Variants in AP1S3 observed in about 807,000 individuals in gnomAD.
AP1S3 encodes the protein adaptor related protein complex 1 subunit sigma 3.
AP1S3 carries 10 observed loss-of-function variants against 20.9 expected under a neutral mutation model. The ratio of observed to expected loss-of-function variants is 0.48; its 90% CI spans 0.29 to 0.81. The LOEUF (loss-of-function observed/expected upper bound fraction) is 0.81. Among genes scored for constraint, AP1S3 ranks in the 30% least tolerant of loss-of-function variants. The pLI is 0.08. For synonymous variants in AP1S3, 41 were observed against 61.5 expected (o/e 0.67, Z 1.56); for missense variants, 154 against 183.8 (o/e 0.84, Z 0.94).
chr2:223,770,724 T>A (rs1457179775), intron 3 of AP1S3, among the ~76,000 whole-genome samples: 2 of 103,500 alleles, frequency 1.9e-5, no homozygotes, highest in Admixed American at 1.1e-4. Flanking sequence ...CTTAGACCAG[T>A]TCATTTTTTT....
intron 1 of AP1S3, among the ~76,000 whole-genome samples, chr2:223,781,544 T>C (rs1408626615): frequency 1.3e-5 from 2 of 152,026 alleles, no homozygotes; most frequent in African/African-American, 4.8e-5. Flanking sequence ...GAGAGTAGCC[T>C]GGGAAACATA....
intron 3 of AP1S3, among the ~76,000 whole-genome samples, chr2:223,772,163 T>C (rs1394231296): frequency 6.6e-6 from 1 of 152,240 alleles, no homozygotes; most frequent in Admixed American, 6.5e-5. Flanking sequence ...TGTACAACTA[T>C]ATAGCAATTA....
intron 3 of AP1S3, among the ~76,000 whole-genome samples, chr2:223,773,518 T>C (rs1054881633): frequency 1.3e-5 from 2 of 152,224 alleles, no homozygotes; most frequent in African/African-American, 2.4e-5. Flanking sequence ...GATGGTCTAG[T>C]TGTCTTATTG....
intron 1 of AP1S3, among the ~76,000 whole-genome samples, chr2:223,791,377 A>G (rs1691213847): frequency 6.6e-6 from 1 of 152,224 alleles, no homozygotes; most frequent in Admixed American, 6.5e-5. Context: ...GGTTGGTTCA[A>G]CATACACAGA....
rs1227946601 is a variant in AP1S3 at position 223,756,469 on chromosome 2, A to G, written c.*2246T>C. On this transcript the variant is annotated 3_prime_UTR_variant, in exon 5 of 5. Coordinates refer to ENST00000396654, the MANE Select transcript of AP1S3 (RefSeq NM_001039569.2). ...GAAGGAAAAGAAAGAAAGAAAGAAA[A>G]GAAAGAAAGAAAGAAAAAAAGAAAG... 3 of 908,156 alleles carry G rather than the reference A, an allele frequency of 3.3e-6. No homozygotes were observed. The African/African-American group carries it at 5.6e-5, about 17-fold the overall frequency. 56.3% of individuals were successfully genotyped at this position (908,156 alleles called of 1,614,324 possible).
rs202150726 is a variant in AP1S3 at position 223,756,991 on chromosome 2, T to TC, written c.*1723_*1724insG. 9.1e-6 allele frequency: 8 copies of TC among 882,830 alleles called. No homozygotes were observed. The highest frequency in any genetic ancestry group is 1.3e-4 in the Admixed American group (2 of 15,922). 54.7% of individuals were successfully genotyped at this position (882,830 alleles called of 1,614,324 possible). A position where few individuals can be genotyped will look rare whatever the true frequency, so the allele number is the denominator to read the frequency against. On this transcript the variant is annotated 3_prime_UTR_variant, in exon 5 of 5. Coordinates refer to ENST00000396654, the MANE Select transcript of AP1S3 (RefSeq NM_001039569.2). Reference sequence around the variant, plus strand: ...ATACTACAAGCTTTTACTTTTTCTTTTTTTTTTTTTTTTTCTTGAGACGCA... The same window carrying TC: ...ATACTACAAGCTTTTACTTTTTCTTTCTTTTTTTTTTTTTTCTTGAGACGCA...
intron 1 of AP1S3, among the ~76,000 whole-genome samples, chr2:223,828,328 ACT>A (rs1295765296): frequency 8.0e-6 from 1 of 124,504 alleles, no homozygotes; most frequent in Admixed American, 1.0e-4. Context: ...ACAGACTCTC[ACT>A]CTGTTGCCCA....
At chr2:223,817,980 A>C (rs1439381395) in intron 1 of AP1S3, among the ~76,000 whole-genome samples, 1 of 152,090 alleles carries the variant, frequency 6.6e-6, no homozygotes, top group Non-Finnish European at 1.5e-5. Context: ...TATACATTAT[A>C]TTGTTTAATC....
chr2:223,763,084 C>T (rs1690397507), intron 4 of AP1S3, among the ~76,000 whole-genome samples: 1 of 152,108 alleles, frequency 6.6e-6, no homozygotes, highest in Non-Finnish European at 1.5e-5. Flanking sequence ...TACCAGAGCC[C>T]AAGAGAACAC....
chr2:223,764,138 T>C (rs1218430531), intron 4 of AP1S3, among the ~76,000 whole-genome samples: 1 of 152,128 alleles, frequency 6.6e-6, no homozygotes, highest in Non-Finnish European at 1.5e-5. Flanking sequence ...AGGCTGGTCT[T>C]GAACTCCTAG....
At chr2:223,808,953 C>T (rs1448603554) in intron 1 of AP1S3, among the ~76,000 whole-genome samples, 1 of 152,114 alleles carries the variant, frequency 6.6e-6, no homozygotes, top group Non-Finnish European at 1.5e-5. Context: ...TGTGTTTGTA[C>T]CACGCCACTA....
chr2:223,765,447 C>A (rs1265980542), intron 3 of AP1S3, 97 bp from the exon 4 acceptor site: 7 of 1,275,760 alleles, frequency 5.5e-6, no homozygotes, highest in South Asian at 1.7e-5. Flanking sequence ...ACTCATGTGG[C>A]GTACCAAAAA....
intron 1 of AP1S3, among the ~76,000 whole-genome samples, chr2:223,836,462 G>A (rs548534955): frequency 2.0e-5 from 3 of 152,098 alleles, no homozygotes; most frequent in Non-Finnish European, 4.4e-5. Context: ...ACACCATGCC[G>A]GGTGCAGTGG....
At chr2:223,807,539 T>C (rs989716181) in intron 1 of AP1S3, among the ~76,000 whole-genome samples, 20 of 152,176 alleles carry the variant, frequency 1.3e-4, no homozygotes, top group Admixed American at 5.2e-4. Context: ...AAATCCCCAG[T>C]GTCAGAGGTG....
intron 1 of AP1S3, among the ~76,000 whole-genome samples, chr2:223,824,968 G>C (rs1221714745): frequency 6.6e-6 from 1 of 152,078 alleles, no homozygotes; most frequent in Non-Finnish European, 1.5e-5. Flanking sequence ...GGATTACCCG[G>C]AGGGGCAGAG....
intron 4 of AP1S3, among the ~76,000 whole-genome samples, chr2:223,764,267 C>A (rs1450603285): frequency 6.6e-6 from 1 of 152,130 alleles, no homozygotes; most frequent in African/African-American, 2.4e-5. Context: ...ATCCTCTTGA[C>A]CTACTTATTT....
At position 223,771,217 on chromosome 2, in the gene AP1S3, A is replaced by G. The variant is rs183090827; in HGVS notation, c.291+4684T>C. ...CCAGGCATGGTGGCACACGCCTGTA[A>G]TCCCAGCTACTCGGGAGGCTGAGGC... On this transcript the variant is annotated intron_variant, in intron 3 of 4. Transcript: ENST00000396654. 6.1e-3 allele frequency among the ~76,000 whole-genome samples: 927 copies of G among 152,094 alleles called. 7 individuals carry two copies. The highest frequency in any genetic ancestry group is 0.021 in the African/African-American group (884 of 41,510).
intron 1 of AP1S3, among the ~76,000 whole-genome samples, chr2:223,779,608 G>A (rs1690875302): frequency 6.6e-6 from 1 of 152,080 alleles, no homozygotes; most frequent in African/African-American, 2.4e-5. Flanking sequence ...GTTGTGTCAT[G>A]AAGGAAATTA....
intron 4 of AP1S3, among the ~76,000 whole-genome samples, chr2:223,762,764 G>T (rs145053325): frequency 6.6e-6 from 1 of 152,226 alleles, no homozygotes; most frequent in Admixed American, 6.5e-5. Context: ...CCGCAGGCAG[G>T]TGTAGCTTTT....
Sources: gnomAD v4.1 joint callset for allele counts (sites outside exome capture counted in the v4.1 genomes callset) on GRCh38, gnomAD v4.1.1 for gene constraint, MANE v1.5 for transcripts, NCBI Gene and HGNC (gene_info 2026-07-23, HGNC 2026-07-21) for gene names.